Variants in CHD1L observed in about 807,000 individuals in gnomAD.
CHD1L encodes chromodomain helicase DNA binding protein 1 like, also known as ATP-dependent chromatin remodeler CHD1L.
A neutral mutation model predicts 115.9 loss-of-function variants in CHD1L; 118 were observed. The ratio of observed to expected loss-of-function variants is 1.02; its 90% confidence interval spans 0.88 to 1.19. The LOEUF (loss-of-function observed/expected upper bound fraction) is 1.19, where lower values mean the gene tolerates loss of function less well. Among genes scored for constraint, CHD1L ranks in the 50% most tolerant of loss-of-function variants. The pLI, the probability that CHD1L is intolerant of heterozygous loss-of-function variation, is 0.00. For missense variants in CHD1L, 1,179 were observed against 1,065.3 expected (o/e 1.11, Z -1.49); for synonymous variants, 411 against 387.1 (o/e 1.06, Z -0.72).
At chr1:147,243,734 C>T (rs759705721) in intron 1 of CHD1L, among the ~76,000 whole-genome samples, 7 of 151,266 alleles carry the variant, frequency 4.6e-5, no homozygotes, top group Non-Finnish European at 1.0e-4. Context: ...TTGAATGCTA[C>T]TGGGAGCGTA....
chr1:147,242,509 G>C (rs184468614), upstream of CHD1L: 45 of 484,978 alleles, frequency 9.3e-5, no homozygotes, highest in African/African-American at 7.0e-4. Flanking sequence ...GCCCTTCCAC[G>C]CTCCGCACTG....
intron 14 of CHD1L, among the ~76,000 whole-genome samples, chr1:147,277,399 G>A (rs953930313): frequency 2.6e-5 from 4 of 152,188 alleles, no homozygotes; most frequent in African/African-American, 4.8e-5. Flanking sequence ...CATGGTTACC[G>A]TATCTGCAAA....
At chr1:147,243,382 A>AT in intron 1 of CHD1L, among the ~76,000 whole-genome samples, 1 of 151,926 alleles carries the variant, frequency 6.6e-6, no homozygotes, top group East Asian at 2.0e-4. Flanking sequence ...TTATGAAGCT[A>AT]TTTTTGTGTC....
rs782302924 is a variant in CHD1L at position 147,284,351 on chromosome 1, A to G, written c.1706A>G (p.Lys569Arg). Residue 569 changes from lysine (K) to arginine (R), a missense_variant and splice_region_variant, in exon 16 of 23, where the codon AAA becomes AGA. Transcript: ENST00000369258. ...EGGSRDQEEG[K>R]NHMYLFEGKD... ...CTCTCTTTGTGTTTTATGTTGTTAG[A>G]AAATCATATGTACTTATTTGAAGGT... The G allele has an allele frequency of 3.2e-6, 5 of 1,559,292 alleles. No individual in the cohort carries two copies. The highest frequency in any genetic ancestry group is 1.2e-5 in the South Asian group (1 of 84,188).
At chr1:147,193,137 C>G in the CHD1L span, among the ~76,000 whole-genome samples, 1 of 152,102 alleles carries the variant, frequency 6.6e-6, no homozygotes, top group Non-Finnish European at 1.5e-5. Context: ...TCCATCTGGT[C>G]CTGGACTCTT....
intron 17 of CHD1L, 42 bp downstream of exon 17, chr1:147,285,529 G>C (rs781809764): frequency 6.3e-7 from 1 of 1,586,532 alleles, no homozygotes; most frequent in Admixed American, 1.8e-5. Flanking sequence ...AGTTGAAGGA[G>C]TCACTATTGT....
chr1:147,283,925 T>G (rs1572100422), intron 15 of CHD1L, among the ~76,000 whole-genome samples: 1 of 152,238 alleles, frequency 6.6e-6, no homozygotes, highest in East Asian at 1.9e-4. Flanking sequence ...CAAGGGATTA[T>G]TTTTGTGATT....
At chr1:147,213,957 CAT>C in the CHD1L span, among the ~76,000 whole-genome samples, 97 of 152,236 alleles carry the variant, frequency 6.4e-4, 1 homozygote, top group African/African-American at 2.2e-3. Context: ...CAGTGGCTCT[CAT>C]TTTATATAAA....
the CHD1L span, among the ~76,000 whole-genome samples, chr1:147,232,194 T>C: frequency 6.6e-6 from 1 of 152,194 alleles, no homozygotes; most frequent in African/African-American, 2.4e-5. Flanking sequence ...GTGAGAAATA[T>C]ACTTTTTGCT....
rs587637824 is a variant in CHD1L at position 147,274,229 on chromosome 1, G to A, written c.1271-1125G>A. ...AATCGTAGCAACTACTCAACTTCCC[G>A]ACAGGGTTGTTGTGAGGGTTAAAGG... On this transcript the variant is annotated intron_variant, in intron 12 of 22. Coordinates refer to ENST00000369258, the MANE Select transcript of CHD1L (RefSeq NM_004284.6). Among the ~76,000 whole-genome samples, 162 of 152,214 alleles carry A rather than the reference G, an allele frequency of 1.1e-3. 2 individuals are homozygous for A. The highest frequency in any genetic ancestry group is 3.5e-3 in the African/African-American group (145 of 41,526).
At chr1:147,187,127 G>A in the CHD1L span, 5 of 1,614,134 alleles carry the variant, frequency 3.1e-6, no homozygotes, top group Non-Finnish European at 4.2e-6. Flanking sequence ...TGTAATGCCA[G>A]CTTGGGGTCA....
chr1:147,181,708 C>G, the CHD1L span, among the ~76,000 whole-genome samples: 13 of 152,148 alleles, frequency 8.5e-5, no homozygotes, highest in African/African-American at 3.1e-4. Flanking sequence ...TGTTTTGATG[C>G]AGGCAGATAA....
At chr1:147,208,922 T>C in the CHD1L span, 1 of 1,614,068 alleles carries the variant, frequency 6.2e-7, no homozygotes, top group Non-Finnish European at 8.5e-7. Flanking sequence ...AAATATTTGT[T>C]TGCTAATGAT....
At chr1:147,250,380 C>T (rs142579245) in intron 1 of CHD1L, among the ~76,000 whole-genome samples, 1 of 152,252 alleles carries the variant, frequency 6.6e-6, no homozygotes, top group African/African-American at 2.4e-5. Flanking sequence ...GCTGCTCTGG[C>T]AGGGGAAGAG....
the CHD1L span, chr1:147,201,437 C>T: frequency 6.2e-6 from 10 of 1,614,144 alleles, no homozygotes; most frequent in East Asian, 2.2e-5. Context: ...TTTCCTTTCA[C>T]TTTCACCAAG....
At chr1:147,197,037 T>C in the CHD1L span, among the ~76,000 whole-genome samples, 7 of 152,204 alleles carry the variant, frequency 4.6e-5, no homozygotes, top group Admixed American at 4.6e-4. Context: ...CCTCTTCCAG[T>C]TAAAATCCTT....
chr1:147,270,940 G>C lies in CHD1L; in HGVS notation c.1094G>C (p.Arg365Pro). ...LLAFLYSGGH[R>P]VLLFSQMTQM... ...TTTCTTTTTCTTGCCAGGGGCCATC[G>C]GGTTTTACTTTTCTCCCAAATGACC... The change falls in exon 11 of 23, where the codon CGG (arginine) becomes CCG (proline). Residue 365 changes from arginine (R) to proline (P), a missense_variant. Coordinates refer to ENST00000369258, the MANE Select transcript of CHD1L (RefSeq NM_004284.6). 2 of 1,613,848 alleles carry C rather than the reference G, an allele frequency of 1.2e-6. No homozygotes were observed. The highest frequency in any genetic ancestry group is 1.7e-6 in the Non-Finnish European group (2 of 1,179,882).
the CHD1L span, chr1:147,204,940 C>T: frequency 6.5e-7 from 1 of 1,533,872 alleles, no homozygotes; most frequent in Non-Finnish European, 9.0e-7. Flanking sequence ...CATGGCCAGC[C>T]TGCAGGAAGC....
the CHD1L span, chr1:147,190,246 A>C: frequency 6.2e-7 from 1 of 1,600,818 alleles, no homozygotes; most frequent in Middle Eastern, 1.7e-4. Context: ...CAATGTCTTT[A>C]GACCTAAAAA....
Sources: allele counts gnomAD v4.1 joint callset (sites outside exome capture counted in the v4.1 genomes callset), GRCh38; gene constraint gnomAD v4.1.1; transcripts MANE v1.5; gene names NCBI Gene and HGNC (gene_info 2026-07-23, HGNC 2026-07-21).